The following FGF9 variants were observed in gnomAD, a reference collection of about 807,000 sequenced individuals.
FGF9 encodes the protein fibroblast growth factor 9.
FGF9 carries 3 observed loss-of-function variants against 19.9 expected under a neutral mutation model. The observed-to-expected ratio is 0.15, with a 90% CI of 0.07 to 0.39. FGF9 has a LOEUF of 0.39. Ranked by LOEUF, FGF9 falls within the 10% of genes least tolerant of loss-of-function variation. The pLI is 1.00. For missense variants in FGF9, 175 were observed against 256.8 expected, an observed-to-expected ratio of 0.68 and a Z score of 2.18; for synonymous variants, 107 against 106.9, an observed-to-expected ratio of 1.00 and a Z score of -0.01.
intron 1 of FGF9, among the ~76,000 whole-genome samples, chr13:21,675,154 G>C (rs1352647783): frequency 6.6e-6 from 1 of 152,084 alleles, no homozygotes; most frequent in Non-Finnish European, 1.5e-5. Context: ...TCGGCCGAGG[G>C]GGAAGGGCGC....
rs1487376283 is a variant in FGF9, at chr13:21,671,501, C to T, written c.-412C>T. The stretch of plus-strand genomic sequence containing the variant: ...CGTAGCCCGTGCATCTTAAAAATCC[C>T]TATAATAACGCCTAGGCATTTAAGT... On this transcript the variant is annotated 5_prime_UTR_variant, in exon 1 of 3. Transcript: ENST00000382353. The T allele has an allele frequency of 6.4e-6, 3 of 466,344 alleles. No individual in the cohort carries two copies. The highest frequency in any genetic ancestry group is 4.0e-5 in the African/African-American group (2 of 50,236). 28.9% of individuals were successfully genotyped at this position (466,344 alleles called of 1,614,324 possible). A position where few individuals can be genotyped will look rare whatever the true frequency, so the allele number is the denominator to read the frequency against.
At chr13:21,681,179 T>TC in intron 2 of FGF9, 34 bp downstream of exon 2, 2 of 1,441,854 alleles carry the variant, frequency 1.4e-6, no homozygotes. Context: ...CAGCTTTATC[T>TC]CCATGTTTGA....
chr13:21,701,280 A>G lies in FGF9; in HGVS notation c.472A>G (p.Thr158Ala). 1.9e-6 allele frequency: 3 copies of G among 1,614,130 alleles called. No individual in the cohort carries two copies. The highest frequency in any genetic ancestry group is 2.5e-6 in the Non-Finnish European group (3 of 1,179,994). ...YSSNLYKHVD[T>A]GRRYYVALNK... ...ATCAAACCTATATAAGCACGTGGAC[A>G]CTGGAAGGCGATACTATGTTGCATT... Residue 158 changes from threonine (T) to alanine (A), a missense_variant, in exon 3 of 3, where the codon ACT (threonine) becomes GCT (alanine). Physicochemically the swap from Thr to Ala is moderately conservative, Grantham distance 58. Transcript: ENST00000382353.
chr13:21,671,959 C>T lies in FGF9; in HGVS notation c.47C>T (p.Ala16Val), dbSNP rs1871778354. The T allele has an allele frequency of 6.2e-7, 1 of 1,614,162 alleles. No individual in the cohort carries two copies. The highest frequency in any genetic ancestry group is 1.1e-5 in the South Asian group (1 of 91,080). The change falls in exon 1 of 3, where the codon GCG (alanine) becomes GTG (valine). Residue 16 changes from alanine (A) to valine (V), a missense_variant. Around this residue, in one of 3 missense-constraint regions of FGF9, gnomAD observed 69 missense variants for 73.6 expected, o/e 0.94. Transcript: ENST00000382353. ...GGGAACTATTTCGGTGTGCAGGATG[C>T]GGTACCGTTTGGGAATGTGCCCGTG... is the stretch of plus-strand genomic sequence containing the variant. ...EVGNYFGVQD[A>V]VPFGNVPVLP...
chr13:21,694,080 A>G (rs1269873015), intron 2 of FGF9, among the ~76,000 whole-genome samples: 1 of 152,184 alleles, frequency 6.6e-6, no homozygotes, highest in Non-Finnish European at 1.5e-5. Flanking sequence ...TTAGGCTTAC[A>G]GGGACCTTAG....
intron 1 of FGF9, among the ~76,000 whole-genome samples, chr13:21,674,456 C>A (rs1207168225): frequency 6.7e-6 from 1 of 150,122 alleles, no homozygotes; most frequent in Middle Eastern, 3.2e-3. Flanking sequence ...CGCGATCTGG[C>A]TTTCCCGCGC....
intron 2 of FGF9, among the ~76,000 whole-genome samples, chr13:21,681,723 A>G (rs1049809671): frequency 1.3e-5 from 2 of 152,198 alleles, no homozygotes; most frequent in Non-Finnish European, 2.9e-5. Context: ...GTGAAGAAGT[A>G]TTTATTGTGC....
chr13:21,701,709 A>ATGTGTGTGTGTG lies in FGF9; in HGVS notation c.*294_*305dup, dbSNP rs61706549. ...GAGACTGAGCGCTAGGAGTGTGTGT[A>ATGTGTGTGTGTG]TGTGTGTGTGTGTGTGTGTGTGTGT... On this transcript the variant is annotated 3_prime_UTR_variant, in exon 3 of 3. Transcript: ENST00000382353. The ATGTGTGTGTGTG allele has an allele frequency of 3.6e-4, 130 of 357,818 alleles. No homozygotes were observed. Among genetic ancestry groups the ATGTGTGTGTGTG allele is most frequent in the African/African-American group, 2.3e-3 (105 of 45,110 alleles). 22.2% of individuals were successfully genotyped at this position (357,818 alleles called of 1,614,324 possible). A position where few individuals can be genotyped will look rare whatever the true frequency, so the allele number is the denominator to read the frequency against.
chr13:21,685,468 G>A (rs1021472216), intron 2 of FGF9, among the ~76,000 whole-genome samples: 15 of 152,296 alleles, frequency 9.8e-5, no homozygotes, highest in African/African-American at 3.4e-4. Context: ...TATCCTATTA[G>A]AATGTGGAAA....
At chr13:21,699,839 T>G (rs770121896) in intron 2 of FGF9, among the ~76,000 whole-genome samples, 2 of 152,258 alleles carry the variant, frequency 1.3e-5, no homozygotes, top group South Asian at 4.1e-4. Flanking sequence ...AAGAAACTAT[T>G]TCTAACAAGT....
chr13:21,677,962 A>G (rs1871953841), intron 1 of FGF9, among the ~76,000 whole-genome samples: 1 of 152,180 alleles, frequency 6.6e-6, no homozygotes, highest in Admixed American at 6.5e-5. Flanking sequence ...TGGACTGCCC[A>G]TACCCTGAAC....
At chr13:21,699,233 T>G (rs547425005) in intron 2 of FGF9, among the ~76,000 whole-genome samples, 4 of 152,220 alleles carry the variant, frequency 2.6e-5, no homozygotes, top group South Asian at 2.1e-4. Context: ...CACCCTCAGG[T>G]GAGAGTATTC....
At position 21,672,285 on chromosome 13, in the gene FGF9, T is replaced by A; in HGVS notation, c.277+96T>A. 1 of 1,324,802 alleles carries A rather than the reference T, an allele frequency of 7.5e-7. No individual in the cohort carries two copies. Among genetic ancestry groups the A allele is most frequent in the Non-Finnish European group, 1.1e-6 (1 of 922,726 alleles). The allele number at this position is 1,324,802 out of a possible 1,614,324, so 82.1% of individuals were successfully genotyped here. ...GGCCGGGTGGGGGACGTGGGAAGGG[T>A]TCTCCCCTCCTCCCCTCTTTCTCTG... is the stretch of plus-strand genomic sequence containing the variant. On this transcript the variant is annotated intron_variant, in intron 1 of 2. Coordinates refer to ENST00000382353, the MANE Select transcript of FGF9 (RefSeq NM_002010.3). This position sits in a 1 kb window ranked among gnomAD's most constrained non-coding sequence, Gnocchi z 4.2.
intron 2 of FGF9, among the ~76,000 whole-genome samples, chr13:21,698,558 A>T (rs769951506): frequency 2.0e-5 from 3 of 152,136 alleles, no homozygotes; most frequent in Non-Finnish European, 2.9e-5. Context: ...TGAAGCTGGG[A>T]TAGGAGCAGG....
chr13:21,701,469 A>G lies in FGF9; in HGVS notation c.*34A>G. 2 of 1,613,920 alleles carry G rather than the reference A, an allele frequency of 1.2e-6. No homozygotes were observed. Among genetic ancestry groups the G allele is most frequent in the Non-Finnish European group, 1.7e-6 (2 of 1,179,836 alleles). ...GTTTCTTCACTTGAGCCCTTAAAAA[A>G]GTAACCACTATAAAGGTTTCACGCG... is the stretch of plus-strand genomic sequence containing the variant. On this transcript the variant is annotated 3_prime_UTR_variant, in exon 3 of 3. Transcript: ENST00000382353.
At chr13:21,700,253 C>A (rs1872510929) in intron 2 of FGF9, among the ~76,000 whole-genome samples, 1 of 151,952 alleles carries the variant, frequency 6.6e-6, no homozygotes, top group Non-Finnish European at 1.5e-5. Flanking sequence ...AGTTAGGGGT[C>A]TCTTCTTCTA....
chr13:21,700,015 G>GGTGT (rs3076108), intron 2 of FGF9, among the ~76,000 whole-genome samples: 1,519 of 146,812 alleles, frequency 0.01, 15 homozygotes, highest in Non-Finnish European at 0.018. Flanking sequence ...TTTGGGATGT[G>GGTGT]GTGTGTGTGT....
chr13:21,701,190 G>A lies in FGF9; in HGVS notation c.382G>A (p.Glu128Lys), dbSNP rs1189091971. ...GCTCTCCCTCTTTTTCTTTTTACAGGAAAAACTAACCCAAGAGTGTGTATT... is the reference window on the plus strand; with the variant it reads ...GCTCTCCCTCTTTTTCTTTTTACAGAAAAAACTAACCCAAGAGTGTGTATT... ...MNEKGELYGS[E>K]KLTQECVFRE... The change falls in exon 3 of 3, where the codon GAA (glutamate) becomes AAA (lysine). Residue 128 changes from glutamate to lysine, a missense_variant and splice_region_variant. Transcript: ENST00000382353. The A allele has an allele frequency of 1.9e-6, 3 of 1,612,836 alleles. No individual in the cohort carries two copies. In the Admixed American group the frequency reaches 5.0e-5, roughly 27 times the overall value.
At chr13:21,676,151 A>G (rs532780380) in intron 1 of FGF9, among the ~76,000 whole-genome samples, 10 of 152,290 alleles carry the variant, frequency 6.6e-5, no homozygotes, top group African/African-American at 2.2e-4. Flanking sequence ...GTAATGTAAA[A>G]TAATAAAAAC....
Sources: gnomAD v4.1 joint callset for allele counts (sites outside exome capture counted in the v4.1 genomes callset) on GRCh38, gnomAD v4.1.1 for gene constraint, gnomAD v4.1.1 regional missense constraint, Gnocchi (gnomAD v3.1) non-coding constraint, MANE v1.5 for transcripts, NCBI Gene and HGNC (gene_info 2026-07-23, HGNC 2026-07-21) for gene names.